GABRG3: variants seen among roughly 807,000 people sequenced by gnomAD.
GABRG3 encodes the protein gamma-aminobutyric acid type A receptor subunit gamma3.
GABRG3 carries 25 observed loss-of-function variants against 48.8 expected under a neutral mutation model. The observed-to-expected ratio is 0.51, with a 90% CI of 0.37 to 0.72. The LOEUF is 0.72. Among genes scored for constraint, GABRG3 ranks in the 30% least tolerant of loss-of-function variants. GABRG3 has a pLI of 0.00. For synonymous variants in GABRG3, 227 were observed against 217.6 expected (o/e 1.04, Z -0.38); for missense variants, 394 against 577.9 (o/e 0.68, Z 3.26).
intron 3 of GABRG3, among the ~76,000 whole-genome samples, chr15:27,262,395 C>T (rs1293867371): frequency 1.4e-5 from 2 of 145,448 alleles, no homozygotes; most frequent in Non-Finnish European, 3.1e-5. Context: ...AGCTCATCAC[C>T]ACTGAGGGCC....
chr15:27,273,713 C>T (rs866714416), intron 3 of GABRG3, among the ~76,000 whole-genome samples: 35 of 152,188 alleles, frequency 2.3e-4, no homozygotes, highest in Non-Finnish European at 2.6e-4. Flanking sequence ...TGGTGCAGTG[C>T]CTGGTTCATA....
At chr15:27,490,329 C>A (rs1890318688) in intron 6 of GABRG3, among the ~76,000 whole-genome samples, 1 of 152,198 alleles carries the variant, frequency 6.6e-6, no homozygotes, top group Non-Finnish European at 1.5e-5. Context: ...TGCTTCTGTG[C>A]AGACAAGGGA....
chr15:27,501,014 C>G (rs891090360), intron 6 of GABRG3, among the ~76,000 whole-genome samples: 7 of 145,356 alleles, frequency 4.8e-5, no homozygotes, highest in South Asian at 2.2e-4. Context: ...TGCAGTGGCG[C>G]GATCTCGGCT....
At chr15:27,199,965 C>G (rs1888627480) in intron 3 of GABRG3, among the ~76,000 whole-genome samples, 1 of 151,230 alleles carries the variant, frequency 6.6e-6, no homozygotes, top group Non-Finnish European at 1.5e-5. Context: ...TCATCATTCT[C>G]TCTTTCCCTT....
intron 2 of GABRG3, among the ~76,000 whole-genome samples, chr15:27,016,018 A>G (rs1280700808): frequency 6.6e-6 from 1 of 152,154 alleles, no homozygotes; most frequent in Non-Finnish European, 1.5e-5. Flanking sequence ...TATACTGTGT[A>G]TGCATTAACG....
At chr15:27,254,557 G>T (rs1337561105) in intron 3 of GABRG3, among the ~76,000 whole-genome samples, 2 of 152,074 alleles carry the variant, frequency 1.3e-5, no homozygotes, top group East Asian at 3.9e-4. Flanking sequence ...CAAGATCAAG[G>T]TGCTGGCAGA....
intron 5 of GABRG3, among the ~76,000 whole-genome samples, chr15:27,478,525 A>G (rs1263515551): frequency 1.3e-5 from 2 of 152,250 alleles, no homozygotes; most frequent in Non-Finnish European, 2.9e-5. Context: ...GAGGATATGG[A>G]GAAATAGAAA....
intron 2 of GABRG3, among the ~76,000 whole-genome samples, chr15:26,987,785 A>C (rs1712433013): frequency 6.6e-6 from 1 of 152,180 alleles, no homozygotes; most frequent in South Asian, 2.1e-4. Flanking sequence ...GTTCTTTTCT[A>C]ATTTTCATAT....
chr15:27,030,022 T>C (rs1405531815), intron 3 of GABRG3, among the ~76,000 whole-genome samples: 1 of 152,040 alleles, frequency 6.6e-6, no homozygotes, highest in African/African-American at 2.4e-5. Flanking sequence ...GGAAAAATAA[T>C]AGAAATTTTA....
intron 5 of GABRG3, among the ~76,000 whole-genome samples, chr15:27,477,429 A>G (rs34627780): frequency 0.11 from 16,652 of 152,168 alleles, 1,561 homozygotes; most frequent in African/African-American, 0.25. Context: ...TGGAGGGAGG[A>G]ATGAATAGGT....
intron 3 of GABRG3, among the ~76,000 whole-genome samples, chr15:27,128,977 TAAAAC>T (rs1353576421): frequency 6.6e-6 from 1 of 152,208 alleles, no homozygotes; most frequent in Non-Finnish European, 1.5e-5. Flanking sequence ...CATATTTAGA[TAAAAC>T]TAAAAATAAT....
chr15:27,092,704 G>C (rs550464387), intron 3 of GABRG3, among the ~76,000 whole-genome samples: 1 of 152,306 alleles, frequency 6.6e-6, no homozygotes, highest in African/African-American at 2.4e-5. Flanking sequence ...TGTTTGCTTT[G>C]TGTGCAAGTT....
chr15:27,026,203 T>G (rs1895980211), intron 2 of GABRG3, among the ~76,000 whole-genome samples: 1 of 152,242 alleles, frequency 6.6e-6, no homozygotes, highest in Admixed American at 6.5e-5. Context: ...ATATGTATCT[T>G]TAAGTTATAT....
intron 5 of GABRG3, among the ~76,000 whole-genome samples, chr15:27,431,719 A>G (rs1290984671): frequency 6.6e-6 from 1 of 152,142 alleles, no homozygotes; most frequent in Non-Finnish European, 1.5e-5. Context: ...TGCTTTTTTC[A>G]TGAATGTGTG....
chr15:27,487,826 T>C (rs1890256554), intron 6 of GABRG3, among the ~76,000 whole-genome samples: 1 of 152,184 alleles, frequency 6.6e-6, no homozygotes, highest in Admixed American at 6.5e-5. Context: ...GGAAACTGTT[T>C]CTCTGGAATA....
chr15:27,126,831 A>G (rs1299140752), intron 3 of GABRG3, among the ~76,000 whole-genome samples: 1 of 152,096 alleles, frequency 6.6e-6, no homozygotes, highest in Non-Finnish European at 1.5e-5. Context: ...CAAAACCTGA[A>G]ATATGCAGCA....
At chr15:27,202,950 A>G (rs1009581015) in intron 3 of GABRG3, among the ~76,000 whole-genome samples, 7 of 152,106 alleles carry the variant, frequency 4.6e-5, no homozygotes, top group Admixed American at 3.9e-4. Flanking sequence ...TACCTCTCCT[A>G]ACGGTTACAC....
intron 5 of GABRG3, among the ~76,000 whole-genome samples, chr15:27,442,551 T>A (rs912957978): frequency 2.6e-5 from 4 of 152,154 alleles, no homozygotes; most frequent in African/African-American, 9.7e-5. Context: ...TAGTCCAGGC[T>A]TCTCATCAAG....
chr15:27,455,098 T>G (rs1889223625), intron 5 of GABRG3, among the ~76,000 whole-genome samples: 1 of 152,226 alleles, frequency 6.6e-6, no homozygotes, highest in East Asian at 1.9e-4. Context: ...GGCCTGAAAC[T>G]GTCTAAAGAG....
Sources: allele counts gnomAD v4.1 joint callset (sites outside exome capture counted in the v4.1 genomes callset), GRCh38; gene constraint gnomAD v4.1.1; transcripts MANE v1.5; gene names NCBI Gene and HGNC (gene_info 2026-07-23, HGNC 2026-07-21).